Variants in SBNO2 observed in about 807,000 individuals in gnomAD.
SBNO2 encodes the protein protein strawberry notch homolog 2.
A neutral mutation model predicts 146.3 loss-of-function variants in SBNO2; 89 were observed. That is an observed-to-expected ratio of 0.61 (90% CI 0.51 to 0.73). The LOEUF (loss-of-function observed/expected upper bound fraction) is 0.73. Ranked by LOEUF, SBNO2 falls within the 30% of genes least tolerant of loss-of-function variation. The pLI is 0.00. For missense variants in SBNO2, 2,092 were observed against 2,003.7 expected, an observed-to-expected ratio of 1.04 and a Z score of -0.84; for synonymous variants, 1,147 against 892.6, an observed-to-expected ratio of 1.29 and a Z score of -5.08.
chr19:1,115,688 G>A, intron 17 of SBNO2: 2 of 424,642 alleles, frequency 4.7e-6, no homozygotes, highest in South Asian at 5.7e-5. Context: ...GGTTATCAAT[G>A]GGCTCCCCAA....
intron 11 of SBNO2, among the ~76,000 whole-genome samples, chr19:1,120,542 G>A (rs543509607): frequency 4.9e-4 from 74 of 152,002 alleles, no homozygotes; most frequent in Non-Finnish European, 9.1e-4. Context: ...GCTAATTTTT[G>A]TAGTTTTGGT....
At position 1,112,993 on chromosome 19, in the gene SBNO2, C is replaced by T; in HGVS notation, c.2248-44G>A. 2 of 1,521,142 alleles carry T rather than the reference C, an allele frequency of 1.3e-6. No homozygotes were observed. Among genetic ancestry groups the T allele is most frequent in the Non-Finnish European group, 1.8e-6 (2 of 1,131,792 alleles). 94.2% of individuals were successfully genotyped at this position (1,521,142 alleles called of 1,614,324 possible). A position where few individuals can be genotyped will look rare whatever the true frequency, so the allele number is the denominator to read the frequency against. On this transcript the variant is annotated intron_variant, in intron 19 of 31. Coordinates refer to ENST00000361757, the MANE Select transcript of SBNO2 (RefSeq NM_014963.3). The surrounding 1 kb of genome is among the most constrained non-coding windows in gnomAD (Gnocchi z 5.9). The stretch of plus-strand genomic sequence containing the variant: ...CAAAACCGGCCGTCAGTGTTGTGGC[C>T]TCGCAGGAGTCTGGCCACCCGTGTC...
At chr19:1,114,012 C>G (rs1310551259) in intron 18 of SBNO2, among the ~76,000 whole-genome samples, 4 of 152,338 alleles carry the variant, frequency 2.6e-5, no homozygotes, top group Middle Eastern at 3.4e-3. Context: ...TAACCCCTGA[C>G]CTCCCCTCTC....
Position 1,126,546 on chromosome 19 carries a change from CCT to C in SBNO2, c.441+1056_441+1057del, listed in dbSNP as rs1359949077. Among the ~76,000 whole-genome samples, 1 of 152,020 alleles carries C rather than the reference CCT, an allele frequency of 6.6e-6. No homozygotes were observed. The highest frequency in any genetic ancestry group is 6.5e-5 in the Admixed American group (1 of 15,278). The stretch of plus-strand genomic sequence containing the variant: ...GCCGCCCACCATGGCTGCGGGGTGC[CCT>C]GATGCTTCCTGAGCCGCCCACCGTG... On this transcript the variant is annotated intron_variant, in intron 5 of 31. Coordinates refer to ENST00000361757, the MANE Select transcript of SBNO2 (RefSeq NM_014963.3). This position sits in a 1 kb window ranked among gnomAD's most constrained non-coding sequence, Gnocchi z 4.4.
chr19:1,117,476 G>A lies in SBNO2; in HGVS notation c.1551C>T (p.Phe517=), dbSNP rs761771426. ...GGCCGATCCAGTCGGCCGCCTGCTG[G>A]AACACGTTCAGGGCCTCGGCCCACT... is the stretch of plus-strand genomic sequence containing the variant. ...ALLWAEALNV[F]QQAADWIGLE... Residue 517 remains phenylalanine (F), a synonymous_variant, in exon 15 of 32, where the codon TTC becomes TTT. Transcript: ENST00000361757. 3.2e-6 allele frequency: 5 copies of A among 1,586,894 alleles called. No homozygotes were observed. The Admixed American group carries it at 7.1e-5, about 22-fold the overall frequency.
intron 4 of SBNO2, among the ~76,000 whole-genome samples, chr19:1,145,645 C>T (rs1267502845): frequency 1.3e-5 from 2 of 152,194 alleles, no homozygotes; most frequent in East Asian, 1.9e-4. Flanking sequence ...AGTCGCACCC[C>T]GGGCTCCTCC....
chr19:1,119,258 G>C, intron 13 of SBNO2, 94 bp from the exon 14 acceptor site: 1 of 1,441,964 alleles, frequency 6.9e-7, no homozygotes, highest in Non-Finnish European at 9.3e-7. Flanking sequence ...GAGAGGGCGG[G>C]GTCGGCAGGA....
In SBNO2 at chr19:1,157,933, C is replaced by CT. The variant is rs2080307936; in HGVS notation, c.-126-3532dup. Among the ~76,000 whole-genome samples, 2 of 151,020 alleles carry CT rather than the reference C, an allele frequency of 1.3e-5. No individual in the cohort carries two copies. The highest frequency in any genetic ancestry group is 4.9e-5 in the African/African-American group (2 of 40,916). On this transcript the variant is annotated intron_variant, in intron 1 of 31. Transcript: ENST00000361757. This position sits in a 1 kb window ranked among gnomAD's most constrained non-coding sequence, Gnocchi z 6.8. The stretch of plus-strand genomic sequence containing the variant: ...TAACTGTCCGCCTCCCAGCTCTCTC[C>CT]TGAGTCCGGATAACTGTCCGCCTCC...
In SBNO2 at chr19:1,112,346, G is replaced by A. The variant is rs1332466671; in HGVS notation, c.2516-45C>T. 6 of 1,567,090 alleles carry A rather than the reference G, an allele frequency of 3.8e-6. No homozygotes were observed. The highest frequency in any genetic ancestry group is 1.8e-5 in the Admixed American group (1 of 54,284). The stretch of plus-strand genomic sequence containing the variant: ...CAGGGCCCGGCCAGGCGGGGGCGGG[G>A]CCGAGACCATGTTGGGGGCGGGGCC... On this transcript the variant is annotated intron_variant, in intron 21 of 31. Coordinates refer to ENST00000361757, the MANE Select transcript of SBNO2 (RefSeq NM_014963.3). This position sits in a 1 kb window ranked among gnomAD's most constrained non-coding sequence, Gnocchi z 5.9.
chr19:1,122,553 C>G lies in SBNO2; in HGVS notation c.920G>C (p.Ser307Thr). ...LRGRKKALWF[S>T]VSNDLKYDAE... ...ATCGTACTTGAGGTCGTTGGAGACG[C>G]TGAACCTGCGGGGTGGGGGCGTCAG... Residue 307 changes from serine to threonine, a missense_variant, in exon 10 of 32, where the codon AGC becomes ACC. Coordinates refer to ENST00000361757, the MANE Select transcript of SBNO2 (RefSeq NM_014963.3). 1 of 1,540,858 alleles carries G rather than the reference C, an allele frequency of 6.5e-7. No homozygotes were observed. The highest frequency in any genetic ancestry group is 8.7e-7 in the Non-Finnish European group (1 of 1,143,746).
chr19:1,110,615 T>A lies in SBNO2; in HGVS notation c.3028+130A>T, dbSNP rs1221899388. ...CTCGCCCACCCGGGATGCACGGTGT[T>A]CCCACGAGCCCCTCGCCCACCCGGG... On this transcript the variant is annotated intron_variant, in intron 26 of 31. Transcript: ENST00000361757. This position sits in a 1 kb window ranked among gnomAD's most constrained non-coding sequence, Gnocchi z 4.9. 2 of 1,142,900 alleles carry A rather than the reference T, an allele frequency of 1.7e-6. No individual in the cohort carries two copies. The highest frequency in any genetic ancestry group is 3.3e-5 in the African/African-American group (2 of 60,170). 70.8% of individuals were successfully genotyped at this position (1,142,900 alleles called of 1,614,324 possible).
chr19:1,137,193 TG>T (rs2080092451), intron 4 of SBNO2, among the ~76,000 whole-genome samples: 1 of 39,132 alleles, frequency 2.6e-5, no homozygotes, highest in Admixed American at 2.6e-4. Flanking sequence ...GGGGTGCGGT[TG>T]GGGGAGGCTG....
chr19:1,111,362 C>G (rs2079757171), intron 24 of SBNO2, 144 bp downstream of exon 24: 1 of 726,444 alleles, frequency 1.4e-6, no homozygotes, highest in Non-Finnish European at 2.3e-6. Context: ...GCTCCCTTTG[C>G]CTTCACAGCC....
rs759447854 is a variant in SBNO2, at chr19:1,109,170, G to A, written c.3390C>T (p.Tyr1130=). Residue 1130 remains tyrosine (Y), a synonymous_variant, in exon 30 of 32, where the codon TAC becomes TAT. Coordinates refer to ENST00000361757, the MANE Select transcript of SBNO2 (RefSeq NM_014963.3). This position sits in a 1 kb window ranked among gnomAD's most constrained non-coding sequence, Gnocchi z 4.2. Reference sequence around the variant, plus strand: ...GGCTGCAGTGCGTCAGCGACAAAGCGTAGCCACTCTCCCAGGGCTCCTTGG... The same window carrying A: ...GGCTGCAGTGCGTCAGCGACAAAGCATAGCCACTCTCCCAGGGCTCCTTGG... ...EEAKEPWESG[Y]ALSLTHCSHS... The A allele has an allele frequency of 3.8e-6, 6 of 1,559,046 alleles. No individual in the cohort carries two copies. The highest frequency in any genetic ancestry group is 1.4e-5 in the African/African-American group (1 of 73,432).
chr19:1,136,381 G>A lies in SBNO2; in HGVS notation c.280-8616C>T, dbSNP rs1422908586. On this transcript the variant is annotated intron_variant, in intron 4 of 31. Coordinates refer to ENST00000361757, the MANE Select transcript of SBNO2 (RefSeq NM_014963.3). The surrounding 1 kb of genome is among the most constrained non-coding windows in gnomAD (Gnocchi z 4.2). ...GCCTGGTATGGGCCCTGGGGCCGCC[G>A]CCTCAGTGTCTTCTGGTGCTGCAGC... Among the ~76,000 whole-genome samples the A allele has an allele frequency of 2.0e-5, 3 of 152,226 alleles. No homozygotes were observed. The highest frequency in any genetic ancestry group is 1.9e-4 in the East Asian group (1 of 5,196).
chr19:1,155,817 A>T (rs1424237635), intron 1 of SBNO2, among the ~76,000 whole-genome samples: 1 of 152,094 alleles, frequency 6.6e-6, no homozygotes, highest in Non-Finnish European at 1.5e-5. Context: ...GGGGCCCACC[A>T]GTGCTAGGGG....
chr19:1,164,620 G>GAGGAA (rs1361614620), intron 1 of SBNO2, among the ~76,000 whole-genome samples: 1 of 113,868 alleles, frequency 8.8e-6, no homozygotes, highest in African/African-American at 3.5e-5. Context: ...AGGAGGAGGA[G>GAGGAA]GAACAGGAGG....
In SBNO2 at chr19:1,119,559, G is replaced by A. The variant is rs771370989; in HGVS notation, c.1330C>T (p.Pro444Ser). Residue 444 changes from proline (P) to serine (S), a missense_variant, in exon 13 of 32, where the codon CCC becomes TCC. Physicochemically the swap from Pro to Ser is moderately conservative, Grantham distance 74 (BLOSUM62 -1). Transcript: ENST00000361757. ...AGGAACTCCTCAAAGTTCCGGAAGGGTGTGCCCTCGCCCCAGATACCCAAG... is the reference window on the plus strand; with the variant it reads ...AGGAACTCCTCAAAGTTCCGGAAGGATGTGCCCTCGCCCCAGATACCCAAG... ...SRLGIWGEGT[P>S]FRNFEEFLHA... 1.9e-6 allele frequency: 3 copies of A among 1,611,592 alleles called. No homozygotes were observed. Among genetic ancestry groups the A allele is most frequent in the South Asian group, 2.2e-5 (2 of 90,634 alleles).
chr19:1,165,315 G>C (rs1371622969), intron 1 of SBNO2, among the ~76,000 whole-genome samples: 3 of 152,176 alleles, frequency 2.0e-5, no homozygotes, highest in African/African-American at 7.2e-5. Flanking sequence ...AGGGGCCTTG[G>C]TGCTTCATCC....
Sources: allele counts gnomAD v4.1 joint callset (sites outside exome capture counted in the v4.1 genomes callset), GRCh38; gene constraint gnomAD v4.1.1; non-coding constraint Gnocchi (gnomAD v3.1); transcripts MANE v1.5; gene names NCBI Gene and HGNC (gene_info 2026-07-23, HGNC 2026-07-21).